Variants in NFATC1 observed in about 807,000 individuals in gnomAD.
The protein encoded by NFATC1 is nuclear factor of activated T cells 1.
NFATC1 carries 22 observed loss-of-function variants against 76.0 expected under a neutral mutation model. The observed-to-expected ratio is 0.29, with a 90% CI of 0.21 to 0.41. The LOEUF (loss-of-function observed/expected upper bound fraction) is 0.41, where lower values mean the gene tolerates loss of function less well. Among genes scored for constraint, NFATC1 ranks in the 10% least tolerant of loss-of-function variants. The probability of loss-of-function intolerance (pLI) is 1.00; values close to 1 mark genes in which losing one functional copy is unlikely to be tolerated. For missense variants in NFATC1, 1,357 were observed against 1,337.7 expected (o/e 1.01, Z -0.23); for synonymous variants, 704 against 613.1 (o/e 1.15, Z -2.19).
intron 2 of NFATC1, among the ~76,000 whole-genome samples, chr18:79,412,163 G>C (rs1199846459): frequency 6.6e-6 from 1 of 152,216 alleles, no homozygotes; most frequent in Admixed American, 6.5e-5. Context: ...CTTTTTAACC[G>C]TGTGAGGGGC....
chr18:79,526,100 C>T (rs113510081), intron 9 of NFATC1, among the ~76,000 whole-genome samples: 7,825 of 152,332 alleles, frequency 0.051, 282 homozygotes, highest in Admixed American at 0.09. Context: ...TGCGTTGTGC[C>T]GAGGCCCCGC....
At chr18:79,400,290 G>A in intron 1 of NFATC1, 1 of 1,241,010 alleles carries the variant, frequency 8.1e-7, no homozygotes, top group Non-Finnish European at 1.0e-6. Context: ...GGGGGGAGGG[G>A]CGGGGGTCAC....
At chr18:79,526,934 G>A (rs1387683174) in intron 9 of NFATC1, among the ~76,000 whole-genome samples, 4 of 152,346 alleles carry the variant, frequency 2.6e-5, no homozygotes, top group South Asian at 4.1e-4. Context: ...GACAGTGCTG[G>A]TGGCACATCC....
At chr18:79,425,490 A>G (rs1401717740) in intron 2 of NFATC1, among the ~76,000 whole-genome samples, 1 of 152,214 alleles carries the variant, frequency 6.6e-6, no homozygotes, top group East Asian at 1.9e-4. Context: ...TGGAAACTGC[A>G]GGAGTCATGA....
chr18:79,447,371 G>C (rs1330605923), intron 3 of NFATC1, among the ~76,000 whole-genome samples: 1 of 152,258 alleles, frequency 6.6e-6, no homozygotes, highest in Non-Finnish European at 1.5e-5. Flanking sequence ...TTTTCCTGTG[G>C]CTGGAACGTG....
intron 9 of NFATC1, among the ~76,000 whole-genome samples, chr18:79,511,382 C>T (rs985210220): frequency 2.0e-5 from 3 of 152,280 alleles, no homozygotes; most frequent in Admixed American, 1.3e-4. Context: ...GCGTTGTCTC[C>T]GTACCTCCGT....
intron 3 of NFATC1, among the ~76,000 whole-genome samples, chr18:79,439,672 CTG>C (rs2086903424): frequency 6.6e-6 from 1 of 152,354 alleles, no homozygotes; most frequent in East Asian, 1.9e-4. Flanking sequence ...TGCCGTCGGG[CTG>C]TGTCTGTTTT....
At chr18:79,509,201 G>A (rs960751276) in intron 9 of NFATC1, among the ~76,000 whole-genome samples, 2 of 152,138 alleles carry the variant, frequency 1.3e-5, no homozygotes, top group South Asian at 2.1e-4. Context: ...TCCTTTCCCC[G>A]CCGTCCACTT....
intron 2 of NFATC1, among the ~76,000 whole-genome samples, chr18:79,424,229 G>A (rs989359202): frequency 3.9e-5 from 6 of 152,196 alleles, no homozygotes; most frequent in East Asian, 1.9e-4. Context: ...GAAACGCGGC[G>A]TGTGCGGGCC....
intron 2 of NFATC1, among the ~76,000 whole-genome samples, chr18:79,416,837 GTCCTGCTGTT>G (rs1469791491): frequency 7.9e-5 from 12 of 152,190 alleles, no homozygotes; most frequent in Admixed American, 5.9e-4. Flanking sequence ...CGCACAACCT[GTCCTGCTGTT>G]TCCTGCTGTT....
At chr18:79,430,138 G>T (rs1249140733) in intron 2 of NFATC1, among the ~76,000 whole-genome samples, 1 of 152,222 alleles carries the variant, frequency 6.6e-6, no homozygotes, top group Non-Finnish European at 1.5e-5. Flanking sequence ...TTCAGAATGT[G>T]TCCTTGTCAT....
chr18:79,404,328 G>T (rs1316598837), intron 1 of NFATC1, among the ~76,000 whole-genome samples: 3 of 152,142 alleles, frequency 2.0e-5, no homozygotes, highest in African/African-American at 7.2e-5. Context: ...AATCTTTCTC[G>T]CTGGCAGATT....
At position 79,451,790 on chromosome 18, in the gene NFATC1, A is replaced by G. The variant is rs1347118515; in HGVS notation, c.1877A>G (p.Lys626Arg). ...LSGHNFLQDS[K>R]VIFVEKAPDG... Reference sequence around the variant, plus strand: ...GGCCACAACTTCCTGCAGGACTCCAAGGTCATTTTCGTGGAGAAAGCCCCA... The same window carrying G: ...GGCCACAACTTCCTGCAGGACTCCAGGGTCATTTTCGTGGAGAAAGCCCCA... The change falls in exon 6 of 10, where the codon AAG (lysine) becomes AGG (arginine). Residue 626 changes from lysine (K) to arginine (R), a missense_variant. Around this residue, in one of 3 missense-constraint regions of NFATC1, gnomAD observed 242 missense variants for 329.2 expected, o/e 0.74. Coordinates refer to ENST00000427363, the MANE Select transcript of NFATC1 (RefSeq NM_001278669.2). 1.9e-6 allele frequency: 3 copies of G among 1,611,910 alleles called. No homozygotes were observed. The highest frequency in any genetic ancestry group is 2.7e-5 in the African/African-American group (2 of 74,852).
chr18:79,400,090 C>G (rs2085136881), intron 1 of NFATC1, among the ~76,000 whole-genome samples: 1 of 146,914 alleles, frequency 6.8e-6, no homozygotes, highest in East Asian at 2.0e-4. Flanking sequence ...CGGGCCGGGA[C>G]CCCCAGGGCA....
chr18:79,527,958 T>C lies in NFATC1; in HGVS notation c.*381T>C. ...CTTATTTAACCAGACCATCAGGGCA[T>C]CATAGAATTGAGCATTGAATTTGCT... On this transcript the variant is annotated 3_prime_UTR_variant, in exon 10 of 10. Transcript: ENST00000427363. 4.8e-6 allele frequency: 2 copies of C among 417,824 alleles called. No homozygotes were observed. Among genetic ancestry groups the C allele is most frequent in the Non-Finnish European group, 8.5e-6 (2 of 236,388 alleles). The allele number at this position is 417,824 out of a possible 1,614,324, so 25.9% of individuals were successfully genotyped here. A position where few individuals can be genotyped will look rare whatever the true frequency, so the allele number is the denominator to read the frequency against.
chr18:79,522,325 G>A (rs1442970723), intron 9 of NFATC1, among the ~76,000 whole-genome samples: 1 of 120,910 alleles, frequency 8.3e-6, no homozygotes, highest in Non-Finnish European at 1.7e-5. Context: ...GCTGATGTGT[G>A]TGTTTTGTGT....
intron 9 of NFATC1, 105 bp from the exon 10 acceptor site, chr18:79,527,423 C>G (rs578148911): frequency 1.3e-5 from 12 of 910,628 alleles, no homozygotes; most frequent in Admixed American, 4.1e-5. Context: ...GGGGAGATGC[C>G]TTGTCACAGG....
intron 2 of NFATC1, chr18:79,422,899 A>T (rs2086148668): frequency 6.7e-6 from 1 of 149,800 alleles, no homozygotes; most frequent in South Asian, 2.1e-4. Flanking sequence ...GCCTACAGGG[A>T]GCTGTCGGCT....
intron 9 of NFATC1, among the ~76,000 whole-genome samples, chr18:79,510,755 G>A (rs187556249): frequency 0.012 from 1,776 of 152,298 alleles, 44 homozygotes; most frequent in African/African-American, 0.04. Flanking sequence ...TCCTTCCTGC[G>A]GAGGCGTCCC....
Sources: allele counts gnomAD v4.1 joint callset (sites outside exome capture counted in the v4.1 genomes callset), GRCh38; gene constraint gnomAD v4.1.1; regional missense constraint gnomAD v4.1.1; transcripts MANE v1.5; gene names NCBI Gene and HGNC (gene_info 2026-07-23, HGNC 2026-07-21).